LEPR: variants seen among roughly 807,000 people sequenced by gnomAD.
LEPR encodes the protein leptin receptor, also known as OB receptor.
In LEPR, 56 loss-of-function variants were observed where a neutral mutation model predicts 114.7. That is an observed-to-expected ratio of 0.49 (90% confidence interval 0.39 to 0.61). The LOEUF (loss-of-function observed/expected upper bound fraction) is 0.61, where lower values mean the gene tolerates loss of function less well. Among genes scored for constraint, LEPR ranks in the 20% least tolerant of loss-of-function variants. LEPR has a pLI of 0.00. For missense variants in LEPR, 1,202 were observed against 1,352.9 expected (o/e 0.89, Z 1.75); for synonymous variants, 443 against 461.4 (o/e 0.96, Z 0.51).
intron 2 of LEPR, among the ~76,000 whole-genome samples, chr1:65,465,096 A>G (rs1015865987): frequency 6.6e-6 from 1 of 151,948 alleles, no homozygotes; most frequent in African/African-American, 2.4e-5. Context: ...TTGCTTCTCT[A>G]CTTCTTTTAA....
At position 65,545,516 on chromosome 1, in the gene LEPR, G is replaced by T. The variant is rs533012376; in HGVS notation, c.-20-20030G>T. Among the ~76,000 whole-genome samples, 4 of 151,482 alleles carry T rather than the reference G, an allele frequency of 2.6e-5. No individual in the cohort carries two copies. The East Asian group carries it at 7.8e-4, about 30-fold the overall frequency. On this transcript the variant is annotated intron_variant, in intron 2 of 19. Coordinates refer to ENST00000349533, the MANE Select transcript of LEPR (RefSeq NM_002303.6). ...TTGCCATTCTAACTGGTGTGAGATG[G>T]TATCTCATTGTGGTTTTGATTTGCA...
chr1:65,543,402 A>C (rs948679562), intron 2 of LEPR, among the ~76,000 whole-genome samples: 1 of 151,874 alleles, frequency 6.6e-6, no homozygotes, highest in Admixed American at 6.5e-5. Context: ...ATTTTCTCCT[A>C]TTCCGTAGGT....
chr1:65,620,093 A>G, intron 17 of LEPR, 70 bp downstream of exon 17: 2 of 1,162,426 alleles, frequency 1.7e-6, no homozygotes, highest in South Asian at 1.3e-5. Flanking sequence ...TAATATTGCC[A>G]TCTGATTATT....
At chr1:65,506,021 C>T (rs1648708925) in intron 2 of LEPR, among the ~76,000 whole-genome samples, 1 of 152,086 alleles carries the variant, frequency 6.6e-6, no homozygotes, top group Non-Finnish European at 1.5e-5. Flanking sequence ...TCCCTAAGGC[C>T]TTATTTGGCA....
chr1:65,591,134 C>T (rs1173666752), intron 5 of LEPR, among the ~76,000 whole-genome samples: 1 of 152,034 alleles, frequency 6.6e-6, no homozygotes, highest in Admixed American at 6.6e-5. Context: ...CAGTTTCCAA[C>T]TATTTAGGGC....
chr1:65,634,946 TATTA>T lies in LEPR; in HGVS notation c.2674-1241_2674-1238del, dbSNP rs1245238165. ...ATGATTATGAATAATAGGAAAGTTG[TATTA>T]ATTCAGTATTTGTCATTATGCAGTA... On this transcript the variant is annotated intron_variant, in intron 19 of 19. Coordinates refer to ENST00000349533, the MANE Select transcript of LEPR (RefSeq NM_002303.6). 1.2e-5 allele frequency: 10 copies of T among 814,868 alleles called. No homozygotes were observed. The East Asian group carries it at 6.3e-4, about 51-fold the overall frequency. 50.5% of individuals were successfully genotyped at this position (814,868 alleles called of 1,614,324 possible). A position where few individuals can be genotyped will look rare whatever the true frequency, so the allele number is the denominator to read the frequency against.
Position 65,589,451 on chromosome 1 carries a change from TG to T in LEPR, c.495-3204del, listed in dbSNP as rs1190912373. Among the ~76,000 whole-genome samples, 5 of 150,716 alleles carry T rather than the reference TG, an allele frequency of 3.3e-5. No individual in the cohort carries two copies. The South Asian group carries it at 6.2e-4, about 19-fold the overall frequency. ...TCTAATTTATCAGTTTGTTCTTTTA[TG>T]GATCATGCTTTTTGTGTCATATATA... On this transcript the variant is annotated intron_variant, in intron 5 of 19. Transcript: ENST00000349533.
At chr1:65,470,602 G>A (rs767501840) in intron 2 of LEPR, among the ~76,000 whole-genome samples, 12 of 152,026 alleles carry the variant, frequency 7.9e-5, no homozygotes, top group South Asian at 2.1e-4. Flanking sequence ...GCAAACAGAG[G>A]GAAATTTCTG....
At chr1:65,507,461 A>G (rs61779817) in intron 2 of LEPR, among the ~76,000 whole-genome samples, 4,526 of 81,730 alleles carry the variant, frequency 0.055, 104 homozygotes, top group Middle Eastern at 0.091. Context: ...GTGTGTGTGT[A>G]TATATATATA....
At chr1:65,478,462 A>T (rs1243960351) in intron 2 of LEPR, among the ~76,000 whole-genome samples, 1 of 152,120 alleles carries the variant, frequency 6.6e-6, no homozygotes, top group Non-Finnish European at 1.5e-5. Context: ...TTTTGTGTGG[A>T]CCTCTGCTTC....
In LEPR at chr1:65,608,751, A is replaced by T. The variant is rs941456137; in HGVS notation, c.1604-2A>T. On this transcript the variant is annotated splice_acceptor_variant, in intron 11 of 19. Transcript: ENST00000349533. LOFTEE classifies it high-confidence loss of function. ...ACTTAATACTATTGTAAAAATTTCT[A>T]GTGAAGCCACTGCCTCCATCCAGTG... The T allele has an allele frequency of 1.2e-6, 2 of 1,612,726 alleles. No individual in the cohort carries two copies. The highest frequency in any genetic ancestry group is 1.7e-6 in the Non-Finnish European group (2 of 1,179,306).
intron 2 of LEPR, among the ~76,000 whole-genome samples, chr1:65,541,465 T>C (rs1436249258): frequency 6.6e-6 from 1 of 152,134 alleles, no homozygotes; most frequent in Non-Finnish European, 1.5e-5. Context: ...TTAAAGTACT[T>C]GAAATTATGT....
intron 2 of LEPR, among the ~76,000 whole-genome samples, chr1:65,506,926 T>G (rs1648757112): frequency 6.6e-6 from 1 of 152,160 alleles, no homozygotes; most frequent in Non-Finnish European, 1.5e-5. Flanking sequence ...ACAATATCTC[T>G]CCTTTCCCTG....
At chr1:65,626,223 G>A in intron 19 of LEPR, 2 of 1,570,244 alleles carry the variant, frequency 1.3e-6, no homozygotes, top group Non-Finnish European at 1.7e-6. Context: ...TCTCCCTGAG[G>A]TGTGCACAAT....
In LEPR at chr1:65,621,338, G is replaced by A. The variant is rs1348117607; in HGVS notation, c.2492-15G>A. ...CTCAAGTTTCTGAGTTGTGTAAATT[G>A]TATTTCTTTTTCAGATGATATTGAA... On this transcript the variant is annotated splice_polypyrimidine_tract_variant and intron_variant, in intron 17 of 19. Transcript: ENST00000349533. 3.1e-6 allele frequency: 5 copies of A among 1,601,878 alleles called. No individual in the cohort carries two copies. The highest frequency in any genetic ancestry group is 4.3e-6 in the Non-Finnish European group (5 of 1,169,614).
At chr1:65,536,807 C>G (rs1384492643) in intron 2 of LEPR, among the ~76,000 whole-genome samples, 1 of 152,126 alleles carries the variant, frequency 6.6e-6, no homozygotes, top group Non-Finnish European at 1.5e-5. Flanking sequence ...AAGAATGCCT[C>G]ACTATTGTTT....
chr1:65,493,937 C>T (rs985594778), intron 2 of LEPR: 3 of 152,122 alleles, frequency 2.0e-5, no homozygotes, highest in African/African-American at 7.2e-5. Context: ...AACATTTCCA[C>T]TAATGTAAAC....
chr1:65,433,638 C>A, intron 2 of LEPR: 1 of 985,278 alleles, frequency 1.0e-6, no homozygotes, highest in Middle Eastern at 5.2e-4. Flanking sequence ...TGGCCTTGTT[C>A]ATGATTTTAT....
chr1:65,513,792 C>T (rs928514476), intron 2 of LEPR, among the ~76,000 whole-genome samples: 1 of 152,146 alleles, frequency 6.6e-6, no homozygotes, highest in Non-Finnish European at 1.5e-5. Flanking sequence ...TGGCCAACTG[C>T]TTATTTATAA....
Sources: gnomAD v4.1 joint callset for allele counts (sites outside exome capture counted in the v4.1 genomes callset) on GRCh38, gnomAD v4.1.1 for gene constraint, MANE v1.5 for transcripts, NCBI Gene and HGNC (gene_info 2026-07-23, HGNC 2026-07-21) for gene names.